Variants in MBP observed in about 807,000 individuals in gnomAD.
The protein encoded by MBP is Golli-MBP.
MBP carries 16 observed loss-of-function variants against 35.8 expected under a neutral mutation model. That is an observed-to-expected ratio of 0.45 (90% CI 0.30 to 0.68). The LOEUF is 0.68. Ranked by LOEUF, MBP falls within the 30% of genes least tolerant of loss-of-function variation. MBP has a pLI of 0.08. For missense variants in MBP, 380 were observed against 404.7 expected (o/e 0.94, Z 0.52); for synonymous variants, 143 against 159.6 (o/e 0.90, Z 0.78).
chr18:77,095,214 G>A (rs912333701), intron 2 of MBP, among the ~76,000 whole-genome samples: 1 of 152,208 alleles, frequency 6.6e-6, no homozygotes, highest in African/African-American at 2.4e-5. Flanking sequence ...GAATTTTCCA[G>A]GCATTTCTCA....
At chr18:76,986,285 C>A (rs1969554311) in intron 7 of MBP, 2 of 985,464 alleles carry the variant, frequency 2.0e-6, no homozygotes, top group Admixed American at 6.1e-5. Flanking sequence ...GGAACCAAAC[C>A]AGACTGTCCC....
At chr18:77,016,458 G>A (rs1971644606) in intron 4 of MBP, 1 of 1,077,350 alleles carries the variant, frequency 9.3e-7, no homozygotes, top group Non-Finnish European at 1.1e-6. Flanking sequence ...CCCAGCGTGT[G>A]GGCTGCAGAG....
In MBP at chr18:77,101,289, C is replaced by A. The variant is rs1975996747; in HGVS notation, c.51+3922G>T. The stretch of plus-strand genomic sequence containing the variant: ...CCAAGTTCTGTAGTAAGATGGAGAA[C>A]CAAATACAAAATGGGCAGAGTGATA... On this transcript the variant is annotated intron_variant, in intron 2 of 8. Coordinates refer to ENST00000355994, the MANE Select transcript of MBP (RefSeq NM_001025101.2). The surrounding 1 kb of genome is among the most constrained non-coding windows in gnomAD (Gnocchi z 4.3). 6.6e-6 allele frequency among the ~76,000 whole-genome samples: 1 copy of A among 152,148 alleles called. No homozygotes were observed. The highest frequency in any genetic ancestry group is 1.5e-5 in the Non-Finnish European group (1 of 68,016).
At chr18:76,986,688 C>A in intron 7 of MBP, 1 of 985,522 alleles carries the variant, frequency 1.0e-6, no homozygotes, top group Non-Finnish European at 1.2e-6. Flanking sequence ...TGCTCACTCC[C>A]TGATGGCAGA....
chr18:77,104,537 G>T (rs931519246), intron 2 of MBP, among the ~76,000 whole-genome samples: 2 of 152,178 alleles, frequency 1.3e-5, no homozygotes, highest in African/African-American at 4.8e-5. Flanking sequence ...AGACCAGAGT[G>T]CAAAGTCAGA....
intron 3 of MBP, among the ~76,000 whole-genome samples, chr18:77,040,922 C>G (rs1420408314): frequency 6.6e-6 from 1 of 152,068 alleles, no homozygotes; most frequent in East Asian, 1.9e-4. Context: ...AAAGCCAAAA[C>G]TGACAAATGG....
At position 77,018,612 on chromosome 18, in the gene MBP, TCATCCATCCATC is replaced by T. The variant is rs58567064; in HGVS notation, c.140-1356_140-1345del. Among the ~76,000 whole-genome samples the T allele has an allele frequency of 2.1e-4, 23 of 111,104 alleles. No individual in the cohort carries two copies. The East Asian group carries it at 3.1e-3, about 15-fold the overall frequency. The allele number at this position is 111,104 out of a possible 152,430, so 72.9% of individuals were successfully genotyped here. Reference sequence around the variant, plus strand: ...TCCACCCACCCCTCCATCTATCCACTCATCCATCCATCCATCCATCCATCCATCCACATATCA... The same window carrying T: ...TCCACCCACCCCTCCATCTATCCACTCATCCATCCATCCATCCACATATCA... On this transcript the variant is annotated intron_variant, in intron 3 of 8. Transcript: ENST00000355994.
chr18:77,124,895 T>C (rs1379926434), intron 1 of MBP, among the ~76,000 whole-genome samples: 1 of 152,174 alleles, frequency 6.6e-6, no homozygotes, highest in Non-Finnish European at 1.5e-5. Context: ...TTAAATCTTT[T>C]CAGATTTAGC....
Position 76,988,104 on chromosome 18 carries a change from C to T in MBP, c.750+391G>A. 6.6e-7 allele frequency: 1 copy of T among 1,504,988 alleles called. No individual in the cohort carries two copies. Among genetic ancestry groups the T allele is most frequent in the Non-Finnish European group, 8.9e-7 (1 of 1,128,172 alleles). The allele number at this position is 1,504,988 out of a possible 1,614,324, so 93.2% of individuals were successfully genotyped here. A position where few individuals can be genotyped will look rare whatever the true frequency, so the allele number is the denominator to read the frequency against. On this transcript the variant is annotated intron_variant, in intron 7 of 8. Transcript: ENST00000355994. The surrounding 1 kb of genome is among the most constrained non-coding windows in gnomAD (Gnocchi z 5.2). ...AGCATCTGGGGTCACTGAGACGGGCCAGCCAGTCCCACTTCCACATGCGGG... is the reference window on the plus strand; with the variant it reads ...AGCATCTGGGGTCACTGAGACGGGCTAGCCAGTCCCACTTCCACATGCGGG...
At chr18:77,122,537 C>G (rs1555732698) in intron 1 of MBP, among the ~76,000 whole-genome samples, 1 of 152,158 alleles carries the variant, frequency 6.6e-6, no homozygotes, top group Non-Finnish European at 1.5e-5. Flanking sequence ...TATTTTGTTT[C>G]TTTCTTTTCT....
chr18:76,988,924 CAG>C lies in MBP; in HGVS notation c.682-14_682-13del, dbSNP rs1355739671. 1.2e-6 allele frequency: 2 copies of C among 1,613,924 alleles called. No homozygotes were observed. The highest frequency in any genetic ancestry group is 2.2e-5 in the South Asian group (2 of 91,078). On this transcript the variant is annotated splice_polypyrimidine_tract_variant and intron_variant, in intron 5 of 8. Coordinates refer to ENST00000355994, the MANE Select transcript of MBP (RefSeq NM_001025101.2). This position sits in a 1 kb window ranked among gnomAD's most constrained non-coding sequence, Gnocchi z 5.2. ...GTGCGAGGCGTCACCTGGAAAGACACAGAGAACCGTGGGCTGCACTGGGAGCC... is the reference window on the plus strand; with the variant it reads ...GTGCGAGGCGTCACCTGGAAAGACACAGAACCGTGGGCTGCACTGGGAGCC...
chr18:77,090,430 C>G (rs1292102518), intron 2 of MBP, among the ~76,000 whole-genome samples: 1 of 152,228 alleles, frequency 6.6e-6, no homozygotes. Context: ...CTCCTCTTTA[C>G]AGCAAAACTT....
intron 3 of MBP, among the ~76,000 whole-genome samples, chr18:77,032,217 C>CA (rs1178569565): frequency 2.0e-5 from 3 of 152,182 alleles, no homozygotes; most frequent in Admixed American, 2.0e-4. Context: ...ATACTTGTGT[C>CA]ACGGCGCGCT....
intron 2 of MBP, among the ~76,000 whole-genome samples, chr18:77,103,594 C>T (rs917780676): frequency 6.6e-6 from 1 of 152,232 alleles, no homozygotes; most frequent in African/African-American, 2.4e-5. Flanking sequence ...CCTGATACTT[C>T]TGGGAACAAT....
intron 2 of MBP, among the ~76,000 whole-genome samples, chr18:77,076,030 C>A (rs1056841701): frequency 3.9e-5 from 6 of 152,124 alleles, no homozygotes; most frequent in East Asian, 3.8e-4. Context: ...AACTTTGATT[C>A]GAATAAATCA....
In MBP at chr18:77,020,819, C is replaced by A. The variant is rs1464614624; in HGVS notation, c.140-3551G>T. On this transcript the variant is annotated intron_variant, in intron 3 of 8. Transcript: ENST00000355994. This position sits in a 1 kb window ranked among gnomAD's most constrained non-coding sequence, Gnocchi z 4.1. ...CACTCTGGAAACCCGCATTCCCAGA[C>A]CACACCCCGGGACCTAGCTCACCAC... is the stretch of plus-strand genomic sequence containing the variant. 3.9e-5 allele frequency among the ~76,000 whole-genome samples: 6 copies of A among 152,206 alleles called. No homozygotes were observed. The highest frequency in any genetic ancestry group is 7.4e-5 in the Non-Finnish European group (5 of 68,024).
At chr18:77,038,967 C>G (rs1471564540) in intron 3 of MBP, among the ~76,000 whole-genome samples, 1 of 152,184 alleles carries the variant, frequency 6.6e-6, no homozygotes, top group African/African-American at 2.4e-5. Flanking sequence ...AAATCTGGCC[C>G]ATATGTTTTT....
At chr18:77,118,249 G>A (rs972979911) in intron 1 of MBP, among the ~76,000 whole-genome samples, 2 of 151,122 alleles carry the variant, frequency 1.3e-5, no homozygotes, top group Admixed American at 6.6e-5. Flanking sequence ...CAGTGGGTTC[G>A]GGAGCAGGAG....
chr18:77,001,575 G>A (rs911033421), intron 4 of MBP, among the ~76,000 whole-genome samples: 4 of 152,220 alleles, frequency 2.6e-5, no homozygotes, highest in Admixed American at 2.0e-4. Flanking sequence ...AAGAGGCCAG[G>A]CACGGTGGCT....
Sources: allele counts gnomAD v4.1 joint callset (sites outside exome capture counted in the v4.1 genomes callset), GRCh38; gene constraint gnomAD v4.1.1; non-coding constraint Gnocchi (gnomAD v3.1); transcripts MANE v1.5; gene names NCBI Gene and HGNC (gene_info 2026-07-23, HGNC 2026-07-21).